The following LCN1 variants were observed in gnomAD, a reference collection of about 807,000 sequenced individuals.
The protein encoded by LCN1 is lipocalin-1.
In LCN1, 25 loss-of-function variants were observed where a neutral mutation model predicts 22.3. The observed-to-expected ratio is 1.12, with a 90% CI of 0.82 to 1.56. The LOEUF is 1.56. LCN1 is among the 40% of genes most tolerant of loss of function. The pLI, the probability that LCN1 is intolerant of heterozygous loss-of-function variation, is 0.00. For missense variants in LCN1, 219 were observed against 235.6 expected (o/e 0.93, Z 0.46); for synonymous variants, 85 against 97.6 (o/e 0.87, Z 0.76).
At chr9:135,525,100 T>C in intron 5 of LCN1, 32 bp from the exon 6 acceptor site, 1 of 1,610,406 alleles carries the variant, frequency 6.2e-7, no homozygotes, top group South Asian at 1.1e-5. Flanking sequence ...ATTCCTGGGG[T>C]CTCCTAACGC....
chr9:135,524,672 C>G (rs948894611), intron 4 of LCN1, among the ~76,000 whole-genome samples, 158 bp from the exon 5 acceptor site: 1 of 152,174 alleles, frequency 6.6e-6, no homozygotes, highest in Non-Finnish European at 1.5e-5. Flanking sequence ...TGCACGGCAC[C>G]CTGGTCCCAC....
chr9:135,523,976 G>A lies in LCN1; in HGVS notation c.389G>A (p.Gly130Glu), dbSNP rs772137550. Residue 130 changes from glycine (G) to glutamate (E), a missense_variant, in exon 4 of 7, where the codon GGG becomes GAG. By Grantham distance (98) the Gly-to-Glu change is moderately conservative (BLOSUM62 -2). Coordinates refer to ENST00000371781, the MANE Select transcript of LCN1 (RefSeq NM_002297.4). Reference sequence around the variant, plus strand: ...GAGCTGCACGGGAAGCCGGTCCGAGGGGTGAAGCTCGTGGGTGGGTCCCGC... The same window carrying A: ...GAGCTGCACGGGAAGCCGGTCCGAGAGGTGAAGCTCGTGGGTGGGTCCCGC... ...EGELHGKPVR[G>E]VKLVGRDPKN... 8 of 1,613,740 alleles carry A rather than the reference G, an allele frequency of 5.0e-6. No homozygotes were observed. The Admixed American group carries it at 1.3e-4, about 27-fold the overall frequency.
chr9:135,523,011 G>A (rs1214015839), intron 2 of LCN1, among the ~76,000 whole-genome samples: 1 of 152,212 alleles, frequency 6.6e-6, no homozygotes, highest in Admixed American at 6.5e-5. Flanking sequence ...CCACCAGGAG[G>A]AGCGGTGCAG....
intron 4 of LCN1, 105 bp downstream of exon 4, chr9:135,524,095 G>A (rs2118954502): frequency 6.2e-6 from 5 of 810,768 alleles, no homozygotes; most frequent in Non-Finnish European, 1.0e-5. Flanking sequence ...TGGGACCCAG[G>A]AACCCACTGC....
chr9:135,521,459 A>G lies in LCN1; in HGVS notation c.-39A>G. 1 of 1,574,454 alleles carries G rather than the reference A, an allele frequency of 6.4e-7. No individual in the cohort carries two copies. The highest frequency in any genetic ancestry group is 8.7e-7 in the Non-Finnish European group (1 of 1,147,602). ...TGGTACAGCCTCTCCCAGCCCCAGC[A>G]AGCGACCTGTCAGGCGGCCGTGGAC... On this transcript the variant is annotated 5_prime_UTR_variant, in exon 1 of 7. Coordinates refer to ENST00000371781, the MANE Select transcript of LCN1 (RefSeq NM_002297.4).
At chr9:135,523,590 C>T (rs929666993) in intron 3 of LCN1, among the ~76,000 whole-genome samples, 21 of 152,276 alleles carry the variant, frequency 1.4e-4, no homozygotes, top group East Asian at 1.4e-3. Context: ...TATTTGGCTG[C>T]GGGGGGCTGT....
chr9:135,525,620 G>A lies in LCN1; in HGVS notation c.*1+462G>A, dbSNP rs574083911. 2.6e-5 allele frequency among the ~76,000 whole-genome samples: 4 copies of A among 152,152 alleles called. No homozygotes were observed. The South Asian group carries it at 6.2e-4, about 24-fold the overall frequency. On this transcript the variant is annotated intron_variant, in intron 6 of 6. Coordinates refer to ENST00000371781, the MANE Select transcript of LCN1 (RefSeq NM_002297.4). ...CAAGGGGACCAGAGTTTGGAGACTC[G>A]CCCAAGGTCACCTGCCCAGGTGTGG...
chr9:135,524,991 G>A (rs1415547708), intron 5 of LCN1, 60 bp downstream of exon 5: 1 of 1,556,628 alleles, frequency 6.4e-7, no homozygotes, highest in Non-Finnish European at 8.8e-7. Flanking sequence ...CAGCAGAGCT[G>A]CATTGCACGG....
At position 135,521,680 on chromosome 9, in the gene LCN1, C is replaced by G. The variant is rs1387554788; in HGVS notation, c.90+93C>G. On this transcript the variant is annotated intron_variant, in intron 1 of 6. Coordinates refer to ENST00000371781, the MANE Select transcript of LCN1 (RefSeq NM_002297.4). ...CATGCCTCCTCCATCCAAGGAGACC[C>G]TCGTTTTTGGGTTGGGCATTCAAGC... 4.3e-6 allele frequency: 5 copies of G among 1,158,492 alleles called. No individual in the cohort carries two copies. In the Admixed American group the frequency reaches 1.2e-4, roughly 27 times the overall value. The allele number at this position is 1,158,492 out of a possible 1,614,324, so 71.8% of individuals were successfully genotyped here. A position where few individuals can be genotyped will look rare whatever the true frequency, so the allele number is the denominator to read the frequency against.
Position 135,526,523 on chromosome 9 carries a change from T to C in LCN1, c.*181T>C. The C allele has an allele frequency of 3.2e-6, 4 of 1,236,668 alleles. No homozygotes were observed. The highest frequency in any genetic ancestry group is 3.1e-6 in the Non-Finnish European group (3 of 957,292). The allele number at this position is 1,236,668 out of a possible 1,614,324, so 76.6% of individuals were successfully genotyped here. A position where few individuals can be genotyped will look rare whatever the true frequency, so the allele number is the denominator to read the frequency against. On this transcript the variant is annotated 3_prime_UTR_variant, in exon 7 of 7. Coordinates refer to ENST00000371781, the MANE Select transcript of LCN1 (RefSeq NM_002297.4). ...CCTCTCCTGGTTCTCCATAAAGAGC[T>C]TCAGCAGTTCCCAGTGACTCCGCCT...
Position 135,522,928 on chromosome 9 carries a change from G to A in LCN1, c.222-304G>A, listed in dbSNP as rs192623723. On this transcript the variant is annotated intron_variant, in intron 2 of 6. Transcript: ENST00000371781. ...TGAGGCTCAGGCCCACGCCACAGAC[G>A]CTGCCTGCAAACCAGGCAGCCTGGG... Among the ~76,000 whole-genome samples the A allele has an allele frequency of 5.4e-3, 819 of 151,914 alleles. 7 individuals are homozygous for A. The highest frequency in any genetic ancestry group is 0.019 in the African/African-American group (769 of 41,274).
At position 135,525,141 on chromosome 9, in the gene LCN1, C is replaced by T. The variant is rs771579585; in HGVS notation, c.515C>T (p.Ser172Phe). The stretch of plus-strand genomic sequence containing the variant: ...CTTCCTTTTCCTGCAGAAACCTGCT[C>T]TCCAGGGAGCGATTAGGGTGAGTGA... ...ILIPRQSETCSPGSD is the reference protein window; with the variant it reads ...ILIPRQSETCFPGSD Residue 172 changes from serine (S) to phenylalanine (F), a missense_variant, in exon 6 of 7, where the codon TCT (serine) becomes TTT (phenylalanine). Coordinates refer to ENST00000371781, the MANE Select transcript of LCN1 (RefSeq NM_002297.4). 8 of 1,613,698 alleles carry T rather than the reference C, an allele frequency of 5.0e-6. No homozygotes were observed. Among genetic ancestry groups the T allele is most frequent in the Non-Finnish European group, 6.8e-6 (8 of 1,179,764 alleles).
chr9:135,524,782 C>T lies in LCN1; in HGVS notation c.404-48C>T, dbSNP rs764481964. 9.0e-6 allele frequency: 13 copies of T among 1,449,998 alleles called. No individual in the cohort carries two copies. The Admixed American group carries it at 1.4e-4, about 16-fold the overall frequency. 89.8% of individuals were successfully genotyped at this position (1,449,998 alleles called of 1,614,324 possible). A position where few individuals can be genotyped will look rare whatever the true frequency, so the allele number is the denominator to read the frequency against. On this transcript the variant is annotated intron_variant, in intron 4 of 6. Coordinates refer to ENST00000371781, the MANE Select transcript of LCN1 (RefSeq NM_002297.4). ...CCTCCAGACTGGGATGGGGTGCCGTCGGCCCAGTGCTGCCTCGAGCACCCA... is the reference window on the plus strand; with the variant it reads ...CCTCCAGACTGGGATGGGGTGCCGTTGGCCCAGTGCTGCCTCGAGCACCCA...
chr9:135,525,037 C>A, intron 5 of LCN1, 95 bp from the exon 6 acceptor site: 1 of 1,565,426 alleles, frequency 6.4e-7, no homozygotes, highest in Non-Finnish European at 8.8e-7. Flanking sequence ...CTGGCTTTGT[C>A]CTTCCTGGGG....
intron 2 of LCN1, 111 bp from the exon 3 acceptor site, chr9:135,523,121 G>A: frequency 1.0e-6 from 1 of 953,814 alleles, no homozygotes; most frequent in Non-Finnish European, 1.6e-6. Flanking sequence ...CCTCCTCCAT[G>A]GGCCTGTGGC....
intron 5 of LCN1, 21 bp from the exon 6 acceptor site, chr9:135,525,111 C>T (rs1831600289): frequency 6.2e-7 from 1 of 1,613,154 alleles, no homozygotes; most frequent in Non-Finnish European, 8.5e-7. Flanking sequence ...CTCCTAACGC[C>T]TGTGCTTCCT....
rs2118964026 is a variant in LCN1 at position 135,526,474 on chromosome 9, C to G, written c.*132C>G. The G allele has an allele frequency of 7.8e-7, 1 of 1,282,242 alleles. No individual in the cohort carries two copies. The highest frequency in any genetic ancestry group is 1.2e-5 in the South Asian group (1 of 80,306). The allele number at this position is 1,282,242 out of a possible 1,614,324, so 79.4% of individuals were successfully genotyped here. ...TGGCTGCACCCCTTCCTACCACCCC[C>G]CGCCTTCCCCCTGCCCTGCGCCCCC... On this transcript the variant is annotated 3_prime_UTR_variant, in exon 7 of 7. Coordinates refer to ENST00000371781, the MANE Select transcript of LCN1 (RefSeq NM_002297.4).
intron 4 of LCN1, 108 bp from the exon 5 acceptor site, chr9:135,524,722 G>A (rs370264337): frequency 9.8e-6 from 8 of 816,386 alleles, no homozygotes; most frequent in African/African-American, 5.2e-5. Context: ...TTCCCCCCAC[G>A]GTGGGCGAGG....
chr9:135,523,870 C>G lies in LCN1; in HGVS notation c.293-10C>G. ...GGCTAATTCAGGAATGTGCTGCTGT[C>G]TTTCTGCAGACGGGGGCAAGCACGT... On this transcript the variant is annotated splice_polypyrimidine_tract_variant and intron_variant, in intron 3 of 6. Coordinates refer to ENST00000371781, the MANE Select transcript of LCN1 (RefSeq NM_002297.4). 6.2e-7 allele frequency: 1 copy of G among 1,612,236 alleles called. No homozygotes were observed. Among genetic ancestry groups the G allele is most frequent in the South Asian group, 1.1e-5 (1 of 91,016 alleles).
Sources: allele counts gnomAD v4.1 joint callset (sites outside exome capture counted in the v4.1 genomes callset), GRCh38; gene constraint gnomAD v4.1.1; transcripts MANE v1.5; gene names NCBI Gene and HGNC (gene_info 2026-07-23, HGNC 2026-07-21).